DYNC1I1: variants seen among roughly 807,000 people sequenced by gnomAD.
DYNC1I1 encodes the protein dynein cytoplasmic 1 intermediate chain 1.
DYNC1I1 carries 43 observed loss-of-function variants against 86.6 expected under a neutral mutation model. That is an observed-to-expected ratio of 0.50 (90% CI 0.39 to 0.64). DYNC1I1 has a LOEUF of 0.64. Among genes scored for constraint, DYNC1I1 ranks in the 30% least tolerant of loss-of-function variants. The probability of loss-of-function intolerance (pLI) is 0.00; values close to 1 mark genes in which losing one functional copy is unlikely to be tolerated. For synonymous variants in DYNC1I1, 262 were observed against 283.7 expected, an observed-to-expected ratio of 0.92 and a Z score of 0.77; for missense variants, 604 against 788.8, an observed-to-expected ratio of 0.77 and a Z score of 2.81.
intron 6 of DYNC1I1, among the ~76,000 whole-genome samples, chr7:95,900,125 C>T (rs539808328): frequency 4.6e-5 from 7 of 152,236 alleles, no homozygotes; most frequent in African/African-American, 2.4e-5. Context: ...AGAGGGCGTC[C>T]GAGGCTCCAT....
At chr7:96,069,005 A>G (rs985189611) in intron 14 of DYNC1I1, among the ~76,000 whole-genome samples, 2 of 152,150 alleles carry the variant, frequency 1.3e-5, no homozygotes, top group African/African-American at 4.8e-5. Context: ...TTATTTGCTC[A>G]TTCTTCTAAC....
chr7:95,838,616 AC>A lies in DYNC1I1; in HGVS notation c.374+10501del, dbSNP rs555680434. ...GGTAGAGATTTTATTGAATCTGTAG[AC>A]TGCTCTAGGCAGTATGGACATTTTA... is the stretch of plus-strand genomic sequence containing the variant. On this transcript the variant is annotated intron_variant, in intron 5 of 16. Transcript: ENST00000447467. Among the ~76,000 whole-genome samples, 3 of 152,188 alleles carry A rather than the reference AC, an allele frequency of 2.0e-5. No homozygotes were observed. The South Asian group carries it at 6.2e-4, about 32-fold the overall frequency.
chr7:95,912,355 C>G (rs1379261219), intron 6 of DYNC1I1, among the ~76,000 whole-genome samples: 1 of 152,130 alleles, frequency 6.6e-6, no homozygotes, highest in East Asian at 1.9e-4. Context: ...CATCTTGATG[C>G]TAAGAAAGGA....
chr7:95,908,268 A>G (rs546996107), intron 6 of DYNC1I1, among the ~76,000 whole-genome samples: 1 of 152,150 alleles, frequency 6.6e-6, no homozygotes, highest in Non-Finnish European at 1.5e-5. Context: ...CCTATCATGG[A>G]GCTCTCTAGT....
chr7:95,954,785 G>A (rs1481172781), intron 6 of DYNC1I1, among the ~76,000 whole-genome samples: 16 of 151,700 alleles, frequency 1.1e-4, no homozygotes, highest in African/African-American at 2.7e-4. Context: ...GCGTGGTGGC[G>A]GGCGCCTGTA....
intron 6 of DYNC1I1, among the ~76,000 whole-genome samples, chr7:95,896,191 A>G (rs1021998407): frequency 6.6e-6 from 1 of 152,174 alleles, no homozygotes; most frequent in African/African-American, 2.4e-5. Context: ...ACATCCCTGC[A>G]GCACCATCTG....
intron 6 of DYNC1I1, among the ~76,000 whole-genome samples, chr7:95,957,884 G>A (rs1454630943): frequency 1.3e-5 from 2 of 152,160 alleles, no homozygotes; most frequent in Admixed American, 6.5e-5. Context: ...CACCACTCAC[G>A]AGAGCCTTCA....
chr7:95,782,074 C>T (rs1473450926), intron 1 of DYNC1I1, among the ~76,000 whole-genome samples: 1 of 152,190 alleles, frequency 6.6e-6, no homozygotes, highest in Non-Finnish European at 1.5e-5. Context: ...GAGGCCCATG[C>T]TGCATGAGGC....
intron 6 of DYNC1I1, among the ~76,000 whole-genome samples, chr7:95,951,295 A>G (rs2116479369): frequency 6.6e-6 from 1 of 152,192 alleles, no homozygotes; most frequent in South Asian, 2.1e-4. Context: ...CTTCCTCATC[A>G]CAAAACCCTT....
intron 14 of DYNC1I1, among the ~76,000 whole-genome samples, chr7:96,064,799 T>C (rs1789911602): frequency 6.6e-6 from 1 of 152,096 alleles, no homozygotes; most frequent in South Asian, 2.1e-4. Context: ...ATCACCTAAT[T>C]ACAGTCCATC....
intron 5 of DYNC1I1, among the ~76,000 whole-genome samples, chr7:95,853,027 T>C (rs1467663567): frequency 6.6e-6 from 1 of 152,192 alleles, no homozygotes; most frequent in Admixed American, 6.5e-5. Flanking sequence ...GACCCTTTGG[T>C]TGCTCAGAAG....
chr7:96,080,714 G>A (rs761304307), intron 16 of DYNC1I1, among the ~76,000 whole-genome samples: 1 of 152,108 alleles, frequency 6.6e-6, no homozygotes, highest in Non-Finnish European at 1.5e-5. Flanking sequence ...TCCTTTTAGA[G>A]TCCTGTAGAA....
chr7:95,795,729 T>C (rs1955220), intron 1 of DYNC1I1, among the ~76,000 whole-genome samples: 96,692 of 151,564 alleles, frequency 0.64, 31,537 homozygotes, highest in African/African-American at 0.77. Flanking sequence ...CACACTGGGC[T>C]CTGTTGAAGG....
intron 6 of DYNC1I1, among the ~76,000 whole-genome samples, chr7:95,937,762 T>G (rs991780692): frequency 6.6e-6 from 1 of 152,050 alleles, no homozygotes. Context: ...TATTATACTT[T>G]ACCTTTTCCT....
At position 95,941,631 on chromosome 7, in the gene DYNC1I1, G is replaced by C. The variant is rs1002768919; in HGVS notation, c.491-35881G>C. Among the ~76,000 whole-genome samples, 26 of 152,220 alleles carry C rather than the reference G, an allele frequency of 1.7e-4. 1 individual carries two copies. Among genetic ancestry groups the C allele is most frequent in the Non-Finnish European group, 8.8e-5 (6 of 68,054 alleles). On this transcript the variant is annotated intron_variant, in intron 6 of 16. Coordinates refer to ENST00000447467, the MANE Select transcript of DYNC1I1 (RefSeq NM_001135556.2). The stretch of plus-strand genomic sequence containing the variant: ...CAGGTGCAGGATATAATCTCCTCGT[G>C]TGCTGTTTTTTAAGCCCGTTGGAAA...
intron 6 of DYNC1I1, among the ~76,000 whole-genome samples, chr7:95,963,661 C>CA (rs1195941215): frequency 6.6e-6 from 1 of 152,138 alleles, no homozygotes; most frequent in Non-Finnish European, 1.5e-5. Flanking sequence ...CTCCTAGCAC[C>CA]ACTGAGGTTG....
At chr7:96,049,938 C>T (rs1789348568) in intron 14 of DYNC1I1, among the ~76,000 whole-genome samples, 1 of 151,368 alleles carries the variant, frequency 6.6e-6, no homozygotes, top group African/African-American at 2.4e-5. Context: ...GAGGCTGAGG[C>T]AGGAGAATTG....
rs1159936717 is a variant in DYNC1I1 at position 95,828,997 on chromosome 7, A to G, written c.374+881A>G. ...CACAGAAATTGCCTCCTTTCCTACAAGCAATTTATTAAGCATTTACCGACA... is the reference window on the plus strand; with the variant it reads ...CACAGAAATTGCCTCCTTTCCTACAGGCAATTTATTAAGCATTTACCGACA... On this transcript the variant is annotated intron_variant, in intron 5 of 16. Coordinates refer to ENST00000447467, the MANE Select transcript of DYNC1I1 (RefSeq NM_001135556.2). 2.0e-5 allele frequency among the ~76,000 whole-genome samples: 3 copies of G among 152,316 alleles called. No individual in the cohort carries two copies. The South Asian group carries it at 6.2e-4, about 32-fold the overall frequency.
At chr7:95,922,380 G>T (rs1044623461) in intron 6 of DYNC1I1, among the ~76,000 whole-genome samples, 5 of 152,076 alleles carry the variant, frequency 3.3e-5, no homozygotes, top group African/African-American at 1.2e-4. Flanking sequence ...GCTTGCTTTG[G>T]CATGAGGGAA....
Sources: gnomAD v4.1 joint callset for allele counts (sites outside exome capture counted in the v4.1 genomes callset) on GRCh38, gnomAD v4.1.1 for gene constraint, MANE v1.5 for transcripts, NCBI Gene and HGNC (gene_info 2026-07-23, HGNC 2026-07-21) for gene names.